The following CEP85L variants were observed in gnomAD, a reference collection of about 807,000 sequenced individuals.
CEP85L encodes centrosomal protein of 85 kDa-like.
Under a neutral mutation model 100.3 loss-of-function variants are expected in CEP85L, and 60 were observed. The ratio of observed to expected loss-of-function variants is 0.60; its 90% CI spans 0.49 to 0.74. The LOEUF (loss-of-function observed/expected upper bound fraction) is 0.74. CEP85L is among the 30% of genes least tolerant of loss of function. The probability of loss-of-function intolerance (pLI) is 0.00; values close to 1 mark genes in which losing one functional copy is unlikely to be tolerated. For synonymous variants in CEP85L, 319 were observed against 322.7 expected, an observed-to-expected ratio of 0.99 and a Z score of 0.12; for missense variants, 973 against 936.2, an observed-to-expected ratio of 1.04 and a Z score of -0.51.
chr6:118,641,504 A>C (rs1458067935), intron 1 of CEP85L, among the ~76,000 whole-genome samples: 2 of 152,236 alleles, frequency 1.3e-5, no homozygotes, highest in African/African-American at 4.8e-5. Context: ...TTGGATTATC[A>C]GAGCATTATG....
At chr6:118,700,437 C>G (rs1429984838) in intron 1 of CEP85L, among the ~76,000 whole-genome samples, 1 of 152,236 alleles carries the variant, frequency 6.6e-6, no homozygotes, top group Non-Finnish European at 1.5e-5. Context: ...ACCTTAAATC[C>G]AGAATCTCCA....
intron 3 of CEP85L, chr6:118,565,229 T>C (rs1779432278): frequency 5.9e-6 from 2 of 340,918 alleles, no homozygotes; most frequent in East Asian, 6.5e-5. Context: ...AGCTTTTTTG[T>C]TTCTGTTTCC....
chr6:118,613,165 C>T (rs1426373816), intron 2 of CEP85L, among the ~76,000 whole-genome samples: 2 of 151,840 alleles, frequency 1.3e-5, no homozygotes. Context: ...GAGCCGAGAT[C>T]GCGCCACTGT....
chr6:118,689,823 G>T lies in CEP85L; in HGVS notation c.-28+20213C>A, dbSNP rs1583262697. Among the ~76,000 whole-genome samples, 8 of 151,840 alleles carry T rather than the reference G, an allele frequency of 5.3e-5. No individual in the cohort carries two copies. The South Asian group carries it at 1.7e-3, about 32-fold the overall frequency. On this transcript the variant is annotated intron_variant, in intron 1 of 13. Coordinates refer to the CEP85L transcript ENST00000368488. ...TTCTTGCCTCTTCACAACATGTTTT[G>T]CTTATAAGAGGACATTATCTTCCCC...
chr6:118,598,789 G>A (rs1222258712), intron 2 of CEP85L, among the ~76,000 whole-genome samples: 2 of 152,142 alleles, frequency 1.3e-5, no homozygotes, highest in Non-Finnish European at 2.9e-5. Flanking sequence ...GCAGCCCTAG[G>A]AAACTAATAC....
At chr6:118,501,819 AG>A in intron 5 of CEP85L, 1 of 1,265,882 alleles carries the variant, frequency 7.9e-7, no homozygotes, top group Non-Finnish European at 1.1e-6. Context: ...TGAGAGAGAG[AG>A]AGAGAGAGAG....
At chr6:118,618,953 C>T (rs541015251) in intron 2 of CEP85L, among the ~76,000 whole-genome samples, 73 of 152,180 alleles carry the variant, frequency 4.8e-4, no homozygotes, top group Admixed American at 2.4e-3. Context: ...AGTCCTCATG[C>T]CCCATCTAGT....
At chr6:118,529,212 T>G (rs12207209) in intron 3 of CEP85L, among the ~76,000 whole-genome samples, 70,103 of 151,964 alleles carry the variant, frequency 0.46, 16,659 homozygotes, top group Middle Eastern at 0.57. Flanking sequence ...TGTCTGCAAA[T>G]GTTAAAGGTT....
At position 118,531,136 on chromosome 6, in the gene CEP85L, T is replaced by C. The variant is rs557188800; in HGVS notation, c.1021-7216A>G. ...CAAAGCTACAATAACCAAAGCAGCA[T>C]GGTACTGGTACAGAAACAGACACAC... On this transcript the variant is annotated intron_variant, in intron 3 of 12. Transcript: ENST00000368491. Among the ~76,000 whole-genome samples the C allele has an allele frequency of 2.6e-5, 4 of 152,276 alleles. No homozygotes were observed. In the South Asian group the frequency reaches 6.2e-4, roughly 24 times the overall value.
rs1304302295 is a variant in CEP85L, at chr6:118,469,074, C to T, written c.2252G>A (p.Arg751Lys). The change falls in exon 12 of 13, where the codon AGA (arginine) becomes AAA (lysine). Residue 751 changes from arginine to lysine, a missense_variant and splice_region_variant. This residue lies in a region of CEP85L where 890 missense variants were observed against 844.5 expected (regional missense o/e 1.05). Coordinates refer to ENST00000368491, the MANE Select transcript of CEP85L (RefSeq NM_001042475.3). ...AGGACAAGTCATCAGACACTTACAT[C>T]TTATTCCCAGTAATAATGAAAGATT... ...EPNLSLLLGI[R>K]SMNCSAEETE... is the part of the protein sequence containing the mutation. The T allele has an allele frequency of 6.2e-7, 1 of 1,601,966 alleles. No homozygotes were observed. Among genetic ancestry groups the T allele is most frequent in the African/African-American group, 1.3e-5 (1 of 74,758 alleles).
At chr6:118,608,551 AGATTTTTAT>A (rs1405440963) in intron 2 of CEP85L, among the ~76,000 whole-genome samples, 1 of 152,102 alleles carries the variant, frequency 6.6e-6, no homozygotes, top group Non-Finnish European at 1.5e-5. Context: ...CTTATCTCCT[AGATTTTTAT>A]GATTTTTAAA....
At chr6:118,558,670 G>C (rs368375041) in intron 3 of CEP85L, among the ~76,000 whole-genome samples, 159 of 122,216 alleles carry the variant, frequency 1.3e-3, no homozygotes, top group South Asian at 4.1e-3. Flanking sequence ...CAGAGAGAGA[G>C]AGAGAGAGAG....
chr6:118,505,167 C>A (rs973541128), intron 5 of CEP85L, among the ~76,000 whole-genome samples: 1 of 151,786 alleles, frequency 6.6e-6, no homozygotes, highest in East Asian at 1.9e-4. Context: ...TGGGGCCAGG[C>A]GCGGTGGCTC....
chr6:118,702,869 G>A (rs183351913), intron 1 of CEP85L, among the ~76,000 whole-genome samples: 9 of 151,984 alleles, frequency 5.9e-5, no homozygotes, highest in Admixed American at 3.3e-4. Flanking sequence ...GGTGGCGGGC[G>A]CCTGTAGTCC....
chr6:118,467,907 C>T (rs1042623928), intron 12 of CEP85L, among the ~76,000 whole-genome samples: 1 of 152,126 alleles, frequency 6.6e-6, no homozygotes, highest in Non-Finnish European at 1.5e-5. Flanking sequence ...CTCTTGTGCT[C>T]CCACTGTCCT....
intron 3 of CEP85L, chr6:118,560,164 A>ATT (rs1388018420): frequency 6.0e-6 from 1 of 167,092 alleles, no homozygotes; most frequent in Non-Finnish European, 1.5e-5. Flanking sequence ...TGGCCCATCT[A>ATT]TTACATCTAC....
At chr6:118,660,644 A>G (rs999524220) in intron 1 of CEP85L, among the ~76,000 whole-genome samples, 1 of 152,230 alleles carries the variant, frequency 6.6e-6, no homozygotes, top group African/African-American at 2.4e-5. Flanking sequence ...TACTTATTTC[A>G]GTCAATATCC....
At chr6:118,574,463 C>T (rs1361613396) in intron 2 of CEP85L, among the ~76,000 whole-genome samples, 2 of 152,196 alleles carry the variant, frequency 1.3e-5, no homozygotes, top group African/African-American at 2.4e-5. Context: ...GCTGAGAAAA[C>T]GTTTTGCCTG....
rs190584395 is a variant in CEP85L at position 118,504,959 on chromosome 6, T to C, written c.1257+6339A>G. Among the ~76,000 whole-genome samples, 81 of 152,278 alleles carry C rather than the reference T, an allele frequency of 5.3e-4. No homozygotes were observed. The East Asian group carries it at 5.8e-3, about 11-fold the overall frequency. ...GTGGGAAAAATGCATCTTTGGTTTT[T>C]CCTATATCACTACAGCGGCTTTACT... On this transcript the variant is annotated intron_variant, in intron 5 of 12. Transcript: ENST00000368491.
Sources: allele counts gnomAD v4.1 joint callset (sites outside exome capture counted in the v4.1 genomes callset), GRCh38; gene constraint gnomAD v4.1.1; regional missense constraint gnomAD v4.1.1; transcripts MANE v1.5; gene names NCBI Gene and HGNC (gene_info 2026-07-23, HGNC 2026-07-21).